Variants in XRN1 observed in about 807,000 individuals in gnomAD.
XRN1 encodes the protein strand-exchange protein 1 homolog.
In XRN1, 67 loss-of-function variants were observed where a neutral mutation model predicts 222.3. The observed-to-expected ratio is 0.30, with a 90% confidence interval of 0.25 to 0.37. The LOEUF is 0.37. Ranked by LOEUF, XRN1 falls within the 10% of genes least tolerant of loss-of-function variation. The pLI is 1.00. For synonymous variants in XRN1, 643 were observed against 652.4 expected (o/e 0.99, Z 0.22); for missense variants, 1,707 against 2,000.2 (o/e 0.85, Z 2.80).
At chr3:142,358,608 A>G (rs2066530032) in intron 30 of XRN1, among the ~76,000 whole-genome samples, 1 of 152,142 alleles carries the variant, frequency 6.6e-6, no homozygotes, top group South Asian at 2.1e-4. Context: ...GGGGGAAAAA[A>G]CCACAAAAAT....
At chr3:142,355,269 A>T in intron 32 of XRN1, 132 bp downstream of exon 32, 1 of 496,278 alleles carries the variant, frequency 2.0e-6, no homozygotes, top group Non-Finnish European at 3.3e-6. Flanking sequence ...AAGAAAAAGA[A>T]AATTCATGAT....
At chr3:142,417,459 T>C (rs1449326758) in intron 12 of XRN1, among the ~76,000 whole-genome samples, 1 of 152,190 alleles carries the variant, frequency 6.6e-6, no homozygotes, top group East Asian at 1.9e-4. Context: ...AAGTCTGTTA[T>C]TCATATTTAC....
At chr3:142,405,202 A>C in intron 15 of XRN1, 126 bp from the exon 16 acceptor site, 2 of 802,028 alleles carry the variant, frequency 2.5e-6, no homozygotes, top group Non-Finnish European at 3.9e-6. Context: ...AAAAACCAAA[A>C]TCTTAACTAA....
In XRN1 at chr3:142,335,596, G is replaced by A. The variant is rs575372008; in HGVS notation, c.3878-87C>T. 48 of 1,210,850 alleles carry A rather than the reference G, an allele frequency of 4.0e-5. No individual in the cohort carries two copies. The East Asian group carries it at 6.9e-4, about 18-fold the overall frequency. The allele number at this position is 1,210,850 out of a possible 1,614,324, so 75.0% of individuals were successfully genotyped here. A position where few individuals can be genotyped will look rare whatever the true frequency, so the allele number is the denominator to read the frequency against. ...CAAATATTTATAATAGCAAGGCACTGTGTTAAAAATTCAGAGAATTTCAAG... is the reference window on the plus strand; with the variant it reads ...CAAATATTTATAATAGCAAGGCACTATGTTAAAAATTCAGAGAATTTCAAG... On this transcript the variant is annotated intron_variant, in intron 33 of 40. Transcript: ENST00000392981.
chr3:142,380,246 C>T, intron 22 of XRN1, 66 bp from the exon 23 acceptor site: 2 of 1,344,474 alleles, frequency 1.5e-6, no homozygotes, highest in South Asian at 2.6e-5. Flanking sequence ...CTTATTTGAA[C>T]ACTATTATTT....
intron 30 of XRN1, among the ~76,000 whole-genome samples, chr3:142,358,425 A>G (rs1300939728): frequency 1.3e-5 from 2 of 152,176 alleles, no homozygotes; most frequent in Non-Finnish European, 2.9e-5. Flanking sequence ...AAAGTGGAAA[A>G]GTAGATTTCT....
At chr3:142,313,581 C>T (rs16852267) in intron 39 of XRN1, among the ~76,000 whole-genome samples, 27,184 of 152,172 alleles carry the variant, frequency 0.18, 2,646 homozygotes, top group East Asian at 0.28. Flanking sequence ...AGATAAAAAG[C>T]AGCCAGACCT....
rs751870329 is a variant in XRN1, at chr3:142,410,487, GTTTTTTTTTTT to G, written c.1713+2046_1713+2056del. Among the ~76,000 whole-genome samples the G allele has an allele frequency of 7.1e-4, 48 of 68,076 alleles. No homozygotes were observed. The East Asian group carries it at 0.019, about 27-fold the overall frequency. 44.7% of individuals were successfully genotyped at this position (68,076 alleles called of 152,430 possible). A position where few individuals can be genotyped will look rare whatever the true frequency, so the allele number is the denominator to read the frequency against. On this transcript the variant is annotated intron_variant, in intron 15 of 40. Transcript: ENST00000392981. ...TATACGCTGTCAGATTCTATCTCAT[GTTTTTTTTTTT>G]TTTTTTTTTTTTTTGAGATGGAGTC...
chr3:142,380,959 A>G (rs1019406869), intron 22 of XRN1, among the ~76,000 whole-genome samples: 2 of 151,284 alleles, frequency 1.3e-5, no homozygotes, highest in Non-Finnish European at 2.9e-5. Flanking sequence ...TGGCCCAATC[A>G]TTCTTTTTTA....
intron 37 of XRN1, among the ~76,000 whole-genome samples, chr3:142,328,098 A>G (rs1001954034): frequency 6.6e-6 from 1 of 152,176 alleles, no homozygotes; most frequent in Admixed American, 6.5e-5. Flanking sequence ...TTGATTCTAC[A>G]TCTTGGCTAT....
At chr3:142,361,963 C>CTTTTTT (rs71153961) in intron 29 of XRN1, among the ~76,000 whole-genome samples, 13 of 51,674 alleles carry the variant, frequency 2.5e-4, no homozygotes, top group Non-Finnish European at 3.3e-4. Flanking sequence ...CTTTTTCTCT[C>CTTTTTT]TTTTTTTTTT....
At chr3:142,431,871 T>A (rs1194223997) in intron 2 of XRN1, among the ~76,000 whole-genome samples, 1 of 18,690 alleles carries the variant, frequency 5.4e-5, no homozygotes, top group Non-Finnish European at 8.6e-5. Context: ...TATAATATAT[T>A]ATATTATATA....
At position 142,375,942 on chromosome 3, in the gene XRN1, G is replaced by A. The variant is rs757975488; in HGVS notation, c.2834C>T (p.Pro945Leu). 5 of 1,611,538 alleles carry A rather than the reference G, an allele frequency of 3.1e-6. No individual in the cohort carries two copies. The highest frequency in any genetic ancestry group is 2.2e-5 in the East Asian group (1 of 44,846). The change falls in exon 25 of 41, where the codon CCT (proline) becomes CTT (leucine). Residue 945 changes from proline (P) to leucine (L), a missense_variant and splice_region_variant. By Grantham distance (98) the Pro-to-Leu change is moderately conservative (BLOSUM62 -3). This residue lies in a region of XRN1 where 1,234 missense variants were observed against 1,518.2 expected (regional missense o/e 0.81). Coordinates refer to ENST00000392981, the MANE Select transcript of XRN1 (RefSeq NM_001282857.2). ...IFIGRGSRRN[P>L]HGDHKANVGL... ...CACATTTGCTTTATGGTCTCCATGA[G>A]GGCTGAATTTAAACCACACATGCGC...
At chr3:142,425,630 G>A in intron 3 of XRN1, 92 bp from the exon 4 acceptor site, 2 of 998,762 alleles carry the variant, frequency 2.0e-6, no homozygotes, top group Non-Finnish European at 3.0e-6. Context: ...GAGTACGCCG[G>A]GAATAGCTAG....
chr3:142,311,375 A>C lies in XRN1; in HGVS notation c.*136T>G. ...TAAACAGCATGAAAAGTGCCTGATA[A>C]CTTAAAAATGAAAAAAATTTCAATT... is the stretch of plus-strand genomic sequence containing the variant. On this transcript the variant is annotated 3_prime_UTR_variant, in exon 41 of 41. Transcript: ENST00000392981. 2 of 818,076 alleles carry C rather than the reference A, an allele frequency of 2.4e-6. No homozygotes were observed. The highest frequency in any genetic ancestry group is 3.6e-6 in the Non-Finnish European group (2 of 563,296). 50.7% of individuals were successfully genotyped at this position (818,076 alleles called of 1,614,324 possible).
At chr3:142,382,114 T>C (rs111650006) in intron 22 of XRN1, among the ~76,000 whole-genome samples, 1 of 152,198 alleles carries the variant, frequency 6.6e-6, no homozygotes, top group African/African-American at 2.4e-5. Flanking sequence ...ATACCATTAA[T>C]ATGTTGCTCA....
At chr3:142,394,258 T>G (rs2107991764) in intron 20 of XRN1, among the ~76,000 whole-genome samples, 1 of 152,352 alleles carries the variant, frequency 6.6e-6, no homozygotes, top group Non-Finnish European at 1.5e-5. Flanking sequence ...GTCTCTTCAT[T>G]GTGCTCATGT....
At chr3:142,354,101 T>A (rs1403927935) in intron 32 of XRN1, among the ~76,000 whole-genome samples, 5 of 152,060 alleles carry the variant, frequency 3.3e-5, no homozygotes, top group African/African-American at 1.2e-4. Flanking sequence ...AATTAAAAAA[T>A]TAATTTTTAA....
chr3:142,406,344 A>G (rs1425462238), intron 15 of XRN1, among the ~76,000 whole-genome samples: 2 of 152,194 alleles, frequency 1.3e-5, no homozygotes, highest in East Asian at 3.8e-4. Flanking sequence ...CATAAACAAA[A>G]TCAACTCAAA....
Sources: allele counts gnomAD v4.1 joint callset (sites outside exome capture counted in the v4.1 genomes callset), GRCh38; gene constraint gnomAD v4.1.1; regional missense constraint gnomAD v4.1.1; transcripts MANE v1.5; gene names NCBI Gene and HGNC (gene_info 2026-07-23, HGNC 2026-07-21).